Variants in BRI3BP observed in about 807,000 individuals in gnomAD.
The protein encoded by BRI3BP is BRI3-binding protein.
BRI3BP carries 7 observed loss-of-function variants against 15.8 expected under a neutral mutation model. The ratio of observed to expected loss-of-function variants is 0.44; its 90% CI spans 0.25 to 0.83. The LOEUF (loss-of-function observed/expected upper bound fraction) is 0.83. BRI3BP is among the 40% of genes least tolerant of loss of function. The pLI, the probability that BRI3BP is intolerant of heterozygous loss-of-function variation, is 0.20. For missense variants in BRI3BP, 320 were observed against 339.3 expected (o/e 0.94, Z 0.45); for synonymous variants, 192 against 163.5 (o/e 1.17, Z -1.33).
At chr12:125,043,709 T>G in the BRI3BP span, among the ~76,000 whole-genome samples, 2 of 151,988 alleles carry the variant, frequency 1.3e-5, no homozygotes, top group African/African-American at 4.8e-5. Flanking sequence ...ATACAAAAAT[T>G]AGCCAGTCGT....
intron 1 of BRI3BP, among the ~76,000 whole-genome samples, chr12:125,005,441 C>A (rs938310559): frequency 6.6e-6 from 1 of 152,130 alleles, no homozygotes; most frequent in Non-Finnish European, 1.5e-5. Context: ...TTCCCTGTGT[C>A]CCATTTCCCA....
At chr12:125,013,361 C>T (rs1241060712) in intron 2 of BRI3BP, among the ~76,000 whole-genome samples, 3 of 152,194 alleles carry the variant, frequency 2.0e-5, no homozygotes, top group Non-Finnish European at 2.9e-5. Flanking sequence ...TCCAGGGTTG[C>T]AGCTGTTGAA....
At chr12:125,021,173 C>T (rs1336925807) in intron 2 of BRI3BP, among the ~76,000 whole-genome samples, 2 of 152,216 alleles carry the variant, frequency 1.3e-5, no homozygotes, top group Non-Finnish European at 2.9e-5. Context: ...AGCAAACACA[C>T]TCTGGCTTCT....
At chr12:125,015,299 C>T (rs1955233128) in intron 2 of BRI3BP, among the ~76,000 whole-genome samples, 1 of 151,944 alleles carries the variant, frequency 6.6e-6, no homozygotes, top group Non-Finnish European at 1.5e-5. Context: ...GGAATTTGGA[C>T]ACAGAAACAC....
At chr12:125,033,739 GT>G (rs530776012), downstream of BRI3BP, among the ~76,000 whole-genome samples, 4 of 132,942 alleles carry the variant, frequency 3.0e-5, no homozygotes, top group Non-Finnish European at 4.8e-5. Context: ...TGTTTTTCTG[GT>G]TTTTTTTTGT....
chr12:125,010,047 A>T (rs1002332603), intron 1 of BRI3BP, among the ~76,000 whole-genome samples: 4 of 152,056 alleles, frequency 2.6e-5, no homozygotes, highest in Non-Finnish European at 5.9e-5. Context: ...GGTTGCCTTG[A>T]GTCGAGATTG....
At chr12:125,000,049 C>T (rs1594526676) in intron 1 of BRI3BP, among the ~76,000 whole-genome samples, 1 of 72,688 alleles carries the variant, frequency 1.4e-5, no homozygotes, top group East Asian at 4.6e-4. Flanking sequence ...TTCTATTGAG[C>T]TGTTGGGTTC....
intron 2 of BRI3BP, among the ~76,000 whole-genome samples, chr12:125,016,042 A>G (rs1466551166): frequency 6.6e-6 from 1 of 152,224 alleles, no homozygotes; most frequent in Non-Finnish European, 1.5e-5. Flanking sequence ...ACTACAGAGT[A>G]GGAACAGCCT....
At chr12:125,047,040 A>C in the BRI3BP span, among the ~76,000 whole-genome samples, 1 of 152,260 alleles carries the variant, frequency 6.6e-6, no homozygotes, top group East Asian at 1.9e-4. Context: ...AAAAGACTGC[A>C]TTGTGTATAT....
At chr12:125,012,788 C>CAT (rs1955207929) in intron 2 of BRI3BP, 152 bp downstream of exon 2, 1 of 608,320 alleles carries the variant, frequency 1.6e-6, no homozygotes. Context: ...TTAATAGTCT[C>CAT]ATATATAGGC....
At chr12:125,031,650 C>T (rs1174048188), downstream of BRI3BP, among the ~76,000 whole-genome samples, 4 of 136,160 alleles carry the variant, frequency 2.9e-5, no homozygotes, top group South Asian at 2.4e-4. Context: ...GATCTCAGCT[C>T]ACTGCTGCCT....
intron 1 of BRI3BP, 138 bp downstream of exon 1, chr12:124,994,141 C>G (rs1955020334): frequency 1.8e-6 from 1 of 543,842 alleles, no homozygotes; most frequent in African/African-American, 2.1e-5. Context: ...CGGCCTGCGC[C>G]TCGGGGCCTG....
chr12:125,008,255 G>A (rs1327325236), intron 1 of BRI3BP, among the ~76,000 whole-genome samples: 3 of 149,104 alleles, frequency 2.0e-5, no homozygotes, highest in East Asian at 2.0e-4. Flanking sequence ...AGATCCCGCC[G>A]CCTACCCCCA....
At chr12:125,024,417 G>A (rs955084369) in intron 2 of BRI3BP, among the ~76,000 whole-genome samples, 3 of 152,144 alleles carry the variant, frequency 2.0e-5, no homozygotes, top group Non-Finnish European at 4.4e-5. Context: ...TCACTATGTT[G>A]CCCAGGCTAA....
rs959274720 is a variant in BRI3BP, at chr12:125,029,263, C to T, written c.*3833C>T. The T allele has an allele frequency of 1.3e-5, 2 of 150,824 alleles. No homozygotes were observed. The highest frequency in any genetic ancestry group is 2.9e-5 in the Non-Finnish European group (2 of 67,958). The allele number at this position is 150,824 out of a possible 1,614,324, so 9.3% of individuals were successfully genotyped here. ...GTGCAGTGGCTCAAGCTTGTAATCC[C>T]AGCACTTTGGGAGGCCAAGGCGGGT... On this transcript the variant is annotated 3_prime_UTR_variant, in exon 3 of 3. Transcript: ENST00000341446.
chr12:125,038,431 AC>A, the BRI3BP span, among the ~76,000 whole-genome samples: 1 of 152,166 alleles, frequency 6.6e-6, no homozygotes, highest in Non-Finnish European at 1.5e-5. Context: ...CAAACTTAAA[AC>A]TAAGATGCTT....
chr12:125,034,716 A>T (rs1208238700), downstream of BRI3BP, among the ~76,000 whole-genome samples: 2 of 151,988 alleles, frequency 1.3e-5, no homozygotes, highest in African/African-American at 2.4e-5. Flanking sequence ...CAGCCTCCCA[A>T]GTAGCTGGGA....
intron 1 of BRI3BP, among the ~76,000 whole-genome samples, chr12:124,999,719 G>A (rs1483224413): frequency 6.7e-6 from 1 of 150,322 alleles, no homozygotes; most frequent in Admixed American, 6.7e-5. Context: ...CTGGGTTCAT[G>A]CCATTCTTCT....
chr12:125,010,542 G>A (rs576630189), intron 1 of BRI3BP, among the ~76,000 whole-genome samples: 1 of 152,314 alleles, frequency 6.6e-6, no homozygotes, highest in African/African-American at 2.4e-5. Context: ...ACTTTGGGAA[G>A]CTGAGATGGG....
Sources: gnomAD v4.1 joint callset for allele counts (sites outside exome capture counted in the v4.1 genomes callset) on GRCh38, gnomAD v4.1.1 for gene constraint, MANE v1.5 for transcripts, NCBI Gene and HGNC (gene_info 2026-07-23, HGNC 2026-07-21) for gene names.